FAM227B: variants seen among roughly 807,000 people sequenced by gnomAD.
FAM227B encodes the protein protein FAM227B.
In FAM227B, 88 loss-of-function variants were observed where a neutral mutation model predicts 73.8. That is an observed-to-expected ratio of 1.19 (90% CI 1.00 to 1.42). FAM227B has a LOEUF of 1.42. FAM227B is among the 40% of genes most tolerant of loss of function. FAM227B has a pLI of 0.00. For synonymous variants in FAM227B, 210 were observed against 190.5 expected (o/e 1.10, Z -0.84); for missense variants, 632 against 590.9 (o/e 1.07, Z -0.72).
At chr15:49,566,591 A>G (rs1205445338) in intron 9 of FAM227B, among the ~76,000 whole-genome samples, 1 of 152,218 alleles carries the variant, frequency 6.6e-6, no homozygotes, top group Non-Finnish European at 1.5e-5. Flanking sequence ...CTTAGGAAAT[A>G]TAAATCAGAT....
In FAM227B at chr15:49,508,131, T is replaced by A. The variant is rs141421604; in HGVS notation, c.1012+80A>T. 3 of 1,448,862 alleles carry A rather than the reference T, an allele frequency of 2.1e-6. No homozygotes were observed. The African/African-American group carries it at 4.4e-5, about 21-fold the overall frequency. 89.8% of individuals were successfully genotyped at this position (1,448,862 alleles called of 1,614,324 possible). A position where few individuals can be genotyped will look rare whatever the true frequency, so the allele number is the denominator to read the frequency against. On this transcript the variant is annotated intron_variant, in intron 11 of 15. Coordinates refer to ENST00000299338, the MANE Select transcript of FAM227B (RefSeq NM_152647.3). ...AGGCCCTCACCAAAAACATAAATCA[T>A]TAGAAAATTCTGCCTAATAAATAAA...
At chr15:49,555,092 G>A (rs1347274866) in intron 9 of FAM227B, among the ~76,000 whole-genome samples, 3 of 152,068 alleles carry the variant, frequency 2.0e-5, no homozygotes, top group South Asian at 2.1e-4. Flanking sequence ...GGTTATTATC[G>A]ATATATGCAG....
At chr15:49,365,935 G>A in intron 13 of FAM227B, 1 of 957,566 alleles carries the variant, frequency 1.0e-6, no homozygotes, top group South Asian at 1.3e-5. Context: ...GCAGAAAATT[G>A]CTATCATAAC....
At chr15:49,586,085 T>TA (rs112924511) in intron 5 of FAM227B, among the ~76,000 whole-genome samples, 9,056 of 151,340 alleles carry the variant, frequency 0.06, 973 homozygotes, top group African/African-American at 0.21. Flanking sequence ...CAATCCTAAG[T>TA]AAAAAAAACA....
At chr15:49,414,242 C>A (rs1357321048) in intron 11 of FAM227B, among the ~76,000 whole-genome samples, 1 of 152,086 alleles carries the variant, frequency 6.6e-6, no homozygotes, top group African/African-American at 2.4e-5. Context: ...AAGGAAATAT[C>A]TGATAATTGG....
At chr15:49,396,077 T>G in intron 11 of FAM227B, 1 of 443,442 alleles carries the variant, frequency 2.3e-6, no homozygotes, top group Non-Finnish European at 4.5e-6. Flanking sequence ...CATTTCCATC[T>G]GAGGTACCAG....
intron 9 of FAM227B, among the ~76,000 whole-genome samples, chr15:49,556,921 G>A (rs2073760973): frequency 6.6e-6 from 1 of 152,174 alleles, no homozygotes; most frequent in African/African-American, 2.4e-5. Context: ...TAGGGGTCAT[G>A]GGTCCTTTGA....
At chr15:49,567,108 T>C (rs940429898) in intron 9 of FAM227B, among the ~76,000 whole-genome samples, 19 of 152,116 alleles carry the variant, frequency 1.2e-4, no homozygotes, top group Admixed American at 6.6e-5. Context: ...TCTCAGTAAA[T>C]AGTTAAAATA....
intron 11 of FAM227B, among the ~76,000 whole-genome samples, chr15:49,414,414 GA>G (rs1327337849): frequency 4.0e-5 from 6 of 151,478 alleles, no homozygotes; most frequent in African/African-American, 1.5e-4. Context: ...AGGGAGGGGG[GA>G]AATCTCCCTA....
chr15:49,504,614 A>C (rs1773369742), intron 11 of FAM227B, among the ~76,000 whole-genome samples: 2 of 152,080 alleles, frequency 1.3e-5, no homozygotes, highest in Admixed American at 1.3e-4. Flanking sequence ...TTAAAAAAAA[A>C]AAGTGTGTGG....
intron 12 of FAM227B, 78 bp from the exon 13 acceptor site, chr15:49,367,686 A>C: frequency 3.1e-6 from 4 of 1,290,848 alleles, no homozygotes; most frequent in Non-Finnish European, 4.2e-6. Context: ...ATAACTTCAT[A>C]TTTAGCATAA....
intron 11 of FAM227B, among the ~76,000 whole-genome samples, chr15:49,422,205 T>C (rs988340121): frequency 6.6e-6 from 1 of 151,748 alleles, no homozygotes; most frequent in Non-Finnish European, 1.5e-5. Flanking sequence ...TTGAGGAGTA[T>C]ATAACATGAA....
intron 9 of FAM227B, 111 bp downstream of exon 9, chr15:49,568,134 G>C: frequency 3.4e-6 from 3 of 879,344 alleles, no homozygotes; most frequent in Non-Finnish European, 5.2e-6. Flanking sequence ...CACCAACTTT[G>C]CTTTCAAAAG....
chr15:49,561,800 T>C (rs1252331460), intron 9 of FAM227B, among the ~76,000 whole-genome samples: 1 of 151,932 alleles, frequency 6.6e-6, no homozygotes, highest in African/African-American at 2.4e-5. Context: ...TTGGAATAAA[T>C]GAAAATAGAG....
rs571951747 is a variant in FAM227B at position 49,613,741 on chromosome 15, A to AAT, written c.51+1378_51+1379dup. Among the ~76,000 whole-genome samples, 209 of 152,098 alleles carry AAT rather than the reference A, an allele frequency of 1.4e-3. 8 individuals carry two copies. In the South Asian group the frequency reaches 0.043, roughly 31 times the overall value. On this transcript the variant is annotated intron_variant, in intron 2 of 15. Coordinates refer to ENST00000299338, the MANE Select transcript of FAM227B (RefSeq NM_152647.3). ...CAAAAATTATCTCATGTATGCCATA[A>AAT]ATATATATATACTTATGATGTACCC...
At chr15:49,432,679 T>C (rs2050722812) in intron 11 of FAM227B, among the ~76,000 whole-genome samples, 1 of 151,670 alleles carries the variant, frequency 6.6e-6, no homozygotes, top group Non-Finnish European at 1.5e-5. Flanking sequence ...ACCAACATTT[T>C]AATAATGACC....
At chr15:49,424,226 C>T in intron 11 of FAM227B, 2 of 1,364,076 alleles carry the variant, frequency 1.5e-6, no homozygotes, top group Non-Finnish European at 2.1e-6. Flanking sequence ...AGGTCAATGA[C>T]CTAGGAGTAA....
chr15:49,521,129 C>T (rs1319572062), intron 10 of FAM227B, among the ~76,000 whole-genome samples: 1 of 152,186 alleles, frequency 6.6e-6, no homozygotes, highest in African/African-American at 2.4e-5. Context: ...ACTGCTTGTA[C>T]ACTTGTTATG....
Position 49,523,249 on chromosome 15 carries a change from T to C in FAM227B, c.875-14901A>G, listed in dbSNP as rs549454095. 8.7e-4 allele frequency among the ~76,000 whole-genome samples: 132 copies of C among 152,324 alleles called. 4 individuals carry two copies. In the South Asian group the frequency reaches 0.026, roughly 30 times the overall value. ...GCTGTGTCCCCACCCAAATCTCATCTTCAATGCCCACATGTTGCAGGAGGG... is the reference window on the plus strand; with the variant it reads ...GCTGTGTCCCCACCCAAATCTCATCCTCAATGCCCACATGTTGCAGGAGGG... On this transcript the variant is annotated intron_variant, in intron 10 of 15. Coordinates refer to ENST00000299338, the MANE Select transcript of FAM227B (RefSeq NM_152647.3).
Sources: gnomAD v4.1 joint callset for allele counts (sites outside exome capture counted in the v4.1 genomes callset) on GRCh38, gnomAD v4.1.1 for gene constraint, MANE v1.5 for transcripts, NCBI Gene and HGNC (gene_info 2026-07-23, HGNC 2026-07-21) for gene names.